PSIP1: variants seen among roughly 807,000 people sequenced by gnomAD.
PSIP1 encodes PC4 and SRSF1 interacting protein 1.
PSIP1 carries 19 observed loss-of-function variants against 74.7 expected under a neutral mutation model. The observed-to-expected ratio is 0.25, with a 90% CI of 0.18 to 0.37. The LOEUF (loss-of-function observed/expected upper bound fraction) is 0.37. Among genes scored for constraint, PSIP1 ranks in the 10% least tolerant of loss-of-function variants. The pLI is 1.00. For missense variants in PSIP1, 601 were observed against 614.3 expected, an observed-to-expected ratio of 0.98 and a Z score of 0.23; for synonymous variants, 222 against 195.3, an observed-to-expected ratio of 1.14 and a Z score of -1.14.
In PSIP1 at chr9:15,474,136, G is replaced by C. The variant is rs374605313; in HGVS notation, c.731C>G (p.Pro244Arg). Residue 244 changes from proline (P) to arginine (R), a missense_variant, in exon 9 of 16, where the codon CCA (proline) becomes CGA (arginine). Physicochemically the swap from Pro to Arg is moderately radical, Grantham distance 103 (BLOSUM62 -2). Around this residue, in one of 2 missense-constraint regions of PSIP1, gnomAD observed 538 missense variants for 507.6 expected, o/e 1.06. Coordinates refer to ENST00000380733, the MANE Select transcript of PSIP1 (RefSeq NM_033222.5). ...CTCTTTTTTATCCGGCTCTTTTCTT[G>C]GCTTATCTTCTTCCTTCTGGCCCTC... Reference protein sequence around the residue: ...DEEGQKEEDKPRKEPDKKEGK... With the variant: ...DEEGQKEEDKRRKEPDKKEGK... 4 of 1,612,086 alleles carry C rather than the reference G, an allele frequency of 2.5e-6. No homozygotes were observed. The highest frequency in any genetic ancestry group is 3.4e-6 in the Non-Finnish European group (4 of 1,179,462).
chr9:15,478,224 AT>A (rs2036180226), intron 8 of PSIP1, among the ~76,000 whole-genome samples: 1 of 151,568 alleles, frequency 6.6e-6, no homozygotes, highest in Admixed American at 6.6e-5. Context: ...TCTATTATAT[AT>A]TTTATGTTGT....
At position 15,471,046 on chromosome 9, in the gene PSIP1, C is replaced by T. The variant is rs1230372097; in HGVS notation, c.978-1053G>A. 2.1e-6 allele frequency: 3 copies of T among 1,453,704 alleles called. No homozygotes were observed. The Admixed American group carries it at 7.7e-5, about 37-fold the overall frequency. 90.1% of individuals were successfully genotyped at this position (1,453,704 alleles called of 1,614,324 possible). On this transcript the variant is annotated intron_variant, in intron 10 of 15. Transcript: ENST00000380733. Reference sequence around the variant, plus strand: ...ACAGTAATGCCATTAATAATGAAGTCCTCAATTTAGAATCTGGAACATTCT... The same window carrying T: ...ACAGTAATGCCATTAATAATGAAGTTCTCAATTTAGAATCTGGAACATTCT...
At chr9:15,500,560 G>C (rs76816294) in intron 3 of PSIP1, among the ~76,000 whole-genome samples, 7 of 152,234 alleles carry the variant, frequency 4.6e-5, no homozygotes, top group Admixed American at 4.6e-4. Context: ...AATACGTGCA[G>C]CTATGAAACT....
At chr9:15,495,672 C>G (rs998506715) in intron 3 of PSIP1, among the ~76,000 whole-genome samples, 2 of 152,134 alleles carry the variant, frequency 1.3e-5, no homozygotes, top group Non-Finnish European at 1.5e-5. Context: ...CTGTCATACT[C>G]CTAAGTTTAG....
intron 3 of PSIP1, among the ~76,000 whole-genome samples, chr9:15,496,738 T>C (rs2037092773): frequency 6.6e-6 from 1 of 152,258 alleles, no homozygotes; most frequent in Non-Finnish European, 1.5e-5. Context: ...ATAACTATGT[T>C]CTTCCAACTG....
At chr9:15,488,349 A>G (rs2036649029) in intron 4 of PSIP1, among the ~76,000 whole-genome samples, 2 of 152,004 alleles carry the variant, frequency 1.3e-5, no homozygotes, top group South Asian at 4.2e-4. Context: ...CAACAAAAAA[A>G]AGAGTAAAAA....
Position 15,510,265 on chromosome 9 carries a change from G to A in PSIP1, c.-77C>T. ...CGGCGGCGCGGGGATGCGGGCGGCG[G>A]ACGCGGGCCCAGCTACCGGGCCCGC... is the stretch of plus-strand genomic sequence containing the variant. On this transcript the variant is annotated 5_prime_UTR_variant, in exon 2 of 16. Coordinates refer to ENST00000380733, the MANE Select transcript of PSIP1 (RefSeq NM_033222.5). 1.4e-6 allele frequency: 2 copies of A among 1,402,534 alleles called. No homozygotes were observed. The highest frequency in any genetic ancestry group is 9.8e-7 in the Non-Finnish European group (1 of 1,021,428). The allele number at this position is 1,402,534 out of a possible 1,614,324, so 86.9% of individuals were successfully genotyped here. A position where few individuals can be genotyped will look rare whatever the true frequency, so the allele number is the denominator to read the frequency against.
At chr9:15,480,551 A>G (rs542979822) in intron 6 of PSIP1, among the ~76,000 whole-genome samples, 16 of 152,256 alleles carry the variant, frequency 1.1e-4, no homozygotes, top group African/African-American at 1.7e-4. Flanking sequence ...CCAATGATCA[A>G]TAAGCTGGTA....
At chr9:15,490,770 C>A (rs1240156853) in intron 3 of PSIP1, among the ~76,000 whole-genome samples, 4 of 149,862 alleles carry the variant, frequency 2.7e-5, no homozygotes. Context: ...TTAATCAACA[C>A]ATTTAACTGC....
chr9:15,485,578 C>G (rs1242342241), intron 6 of PSIP1, among the ~76,000 whole-genome samples: 2 of 152,186 alleles, frequency 1.3e-5, no homozygotes, highest in Non-Finnish European at 2.9e-5. Flanking sequence ...CTTGCACTGT[C>G]ACTCACACTC....
At chr9:15,483,371 C>T (rs62571003) in intron 6 of PSIP1, among the ~76,000 whole-genome samples, 5,025 of 151,304 alleles carry the variant, frequency 0.033, 119 homozygotes, top group South Asian at 0.062. Context: ...CTTTACCATC[C>T]ACTTCTCATC....
chr9:15,506,652 A>G lies in PSIP1; in HGVS notation c.73-15T>C. The G allele has an allele frequency of 6.3e-7, 1 of 1,576,418 alleles. No individual in the cohort carries two copies. The highest frequency in any genetic ancestry group is 8.7e-7 in the Non-Finnish European group (1 of 1,147,218). On this transcript the variant is annotated splice_polypyrimidine_tract_variant and intron_variant, in intron 2 of 15. Transcript: ENST00000380733. ...ACTTCGTCTACCTAAAAGAAAAGTGAGAAAAATTAAAATATTTTAAATCAT... is the reference window on the plus strand; with the variant it reads ...ACTTCGTCTACCTAAAAGAAAAGTGGGAAAAATTAAAATATTTTAAATCAT...
In PSIP1 at chr9:15,486,916, A is replaced by T; in HGVS notation, c.304T>A (p.Ser102Thr). 1 of 1,610,104 alleles carries T rather than the reference A, an allele frequency of 6.2e-7. No individual in the cohort carries two copies. The highest frequency in any genetic ancestry group is 8.5e-7 in the Non-Finnish European group (1 of 1,177,688). The change falls in exon 5 of 16, where the codon TCA becomes ACA. Residue 102 changes from serine (S) to threonine (T), a missense_variant. Ser to Thr is a moderately conservative substitution (Grantham distance 58, BLOSUM62 1). Coordinates refer to ENST00000380733, the MANE Select transcript of PSIP1 (RefSeq NM_033222.5). ...FSSQQAATKQ[S>T]NASSDVEVEE... ...ACTTCAACATCAGATGATGCATTTG[A>T]TTGTTTAGTTGCTGCCTGTGAGCAA...
At chr9:15,501,247 AAT>A (rs2037330365) in intron 3 of PSIP1, among the ~76,000 whole-genome samples, 2 of 152,264 alleles carry the variant, frequency 1.3e-5, no homozygotes, top group South Asian at 4.2e-4. Flanking sequence ...ATAATCAACA[AAT>A]GACTTTATCT....
chr9:15,484,430 C>A (rs1307233122), intron 6 of PSIP1, among the ~76,000 whole-genome samples: 9 of 152,002 alleles, frequency 5.9e-5, no homozygotes, highest in Admixed American at 5.9e-4. Context: ...GAGACCCCAT[C>A]TCTACTAAAA....
chr9:15,509,508 C>T (rs1435465251), intron 2 of PSIP1, among the ~76,000 whole-genome samples: 1 of 152,194 alleles, frequency 6.6e-6, no homozygotes, highest in African/African-American at 2.4e-5. Flanking sequence ...AAAACAACTT[C>T]TTCAAGGTCA....
Position 15,466,787 on chromosome 9 carries a change from T to C in PSIP1, c.1493A>G (p.Glu498Gly). ...GGCTTCATGGTTGTCTTTGCTGTCTTCATTGCTCTCCCCGTTATGTTGTGG... is the reference window on the plus strand; with the variant it reads ...GGCTTCATGGTTGTCTTTGCTGTCTCCATTGCTCTCCCCGTTATGTTGTGG... ...NQPQHNGESN[E>G]DSKDNHEAST... The change falls in exon 15 of 16, where the codon GAA becomes GGA. Residue 498 changes from glutamate to glycine, a missense_variant. This residue lies in a region of PSIP1 where 538 missense variants were observed against 507.6 expected (regional missense o/e 1.06). Coordinates refer to ENST00000380733, the MANE Select transcript of PSIP1 (RefSeq NM_033222.5). The C allele has an allele frequency of 1.9e-6, 3 of 1,613,666 alleles. No homozygotes were observed. The highest frequency in any genetic ancestry group is 2.5e-6 in the Non-Finnish European group (3 of 1,179,860).
intron 3 of PSIP1, among the ~76,000 whole-genome samples, chr9:15,499,651 A>C (rs577912524): frequency 6.6e-5 from 10 of 152,264 alleles, no homozygotes; most frequent in Middle Eastern, 3.4e-3. Flanking sequence ...AGGTGGGAGG[A>C]ACATTTGAGC....
In PSIP1 at chr9:15,487,089, T is replaced by C. The variant is rs186830654; in HGVS notation, c.289-158A>G. On this transcript the variant is annotated intron_variant, in intron 4 of 15. Coordinates refer to ENST00000380733, the MANE Select transcript of PSIP1 (RefSeq NM_033222.5). ...TATGGTTCACTGAAGCCTCAATTCC[T>C]GGGCTCAAGGCATCCTCCCTCCTCA... Among the ~76,000 whole-genome samples the C allele has an allele frequency of 7.3e-5, 11 of 151,116 alleles. 1 individual carries two copies. The East Asian group carries it at 2.0e-3, about 28-fold the overall frequency.
Sources: allele counts gnomAD v4.1 joint callset (sites outside exome capture counted in the v4.1 genomes callset), GRCh38; gene constraint gnomAD v4.1.1; regional missense constraint gnomAD v4.1.1; transcripts MANE v1.5; gene names NCBI Gene and HGNC (gene_info 2026-07-23, HGNC 2026-07-21).